Variants in LHFPL6 observed in about 807,000 individuals in gnomAD.
The protein encoded by LHFPL6 is LHFPL tetraspan subfamily member 6.
LHFPL6 carries 9 observed loss-of-function variants against 20.6 expected under a neutral mutation model. The observed-to-expected ratio is 0.44, with a 90% confidence interval of 0.26 to 0.76. The LOEUF is 0.76. LHFPL6 is among the 30% of genes least tolerant of loss of function. The pLI, the probability that LHFPL6 is intolerant of heterozygous loss-of-function variation, is 0.20. For synonymous variants in LHFPL6, 105 were observed against 98.7 expected, an observed-to-expected ratio of 1.06 and a Z score of -0.38; for missense variants, 218 against 253.5, an observed-to-expected ratio of 0.86 and a Z score of 0.95.
chr13:39,575,504 T>C (rs1243610450), intron 2 of LHFPL6, among the ~76,000 whole-genome samples: 7 of 152,236 alleles, frequency 4.6e-5, no homozygotes, highest in Admixed American at 4.6e-4. Flanking sequence ...CTTGCTAATT[T>C]ACTATGACAT....
At chr13:39,441,315 GC>G (rs1460907743) in intron 2 of LHFPL6, among the ~76,000 whole-genome samples, 1 of 151,442 alleles carries the variant, frequency 6.6e-6, no homozygotes, top group Non-Finnish European at 1.5e-5. Context: ...TGTTTATTAG[GC>G]TATTAGTTGA....
intron 2 of LHFPL6, among the ~76,000 whole-genome samples, chr13:39,569,189 GGATT>G (rs199940104): frequency 0.057 from 4,324 of 75,818 alleles, 74 homozygotes; most frequent in African/African-American, 0.12. Flanking sequence ...ATGGATGGAT[GGATT>G]GATGGACAGA....
At chr13:39,526,650 A>G (rs1276474249) in intron 2 of LHFPL6, among the ~76,000 whole-genome samples, 1 of 152,188 alleles carries the variant, frequency 6.6e-6, no homozygotes, top group African/African-American at 2.4e-5. Context: ...CTGATTCCAC[A>G]CGACAAGGTT....
chr13:39,597,684 A>G (rs1469247405), intron 2 of LHFPL6, among the ~76,000 whole-genome samples: 2 of 152,216 alleles, frequency 1.3e-5, no homozygotes, highest in African/African-American at 4.8e-5. Context: ...TGGCAATTAA[A>G]GTTTCTGTAC....
chr13:39,361,510 G>T (rs1283915946), intron 3 of LHFPL6, among the ~76,000 whole-genome samples: 1 of 152,034 alleles, frequency 6.6e-6, no homozygotes, highest in Non-Finnish European at 1.5e-5. Context: ...TAGAGATGGG[G>T]TTTCACCATG....
intron 2 of LHFPL6, among the ~76,000 whole-genome samples, chr13:39,568,772 G>A (rs1480595330): frequency 6.6e-6 from 1 of 152,092 alleles, no homozygotes; most frequent in African/African-American, 2.4e-5. Context: ...TCCAGTTTAG[G>A]TGGAGGCCAG....
chr13:39,594,960 C>T (rs1435809660), intron 2 of LHFPL6, among the ~76,000 whole-genome samples: 2 of 151,858 alleles, frequency 1.3e-5, no homozygotes, highest in African/African-American at 4.8e-5. Context: ...CATACCGGGG[C>T]CTATTGTGGG....
intron 1 of LHFPL6, among the ~76,000 whole-genome samples, chr13:39,601,777 A>G (rs1042282436): frequency 1.3e-5 from 2 of 152,218 alleles, no homozygotes; most frequent in Admixed American, 6.5e-5. Context: ...TTTGGCTTGC[A>G]AGTTCATGCT....
At chr13:39,394,326 A>G (rs1021088605) in intron 2 of LHFPL6, among the ~76,000 whole-genome samples, 1 of 152,206 alleles carries the variant, frequency 6.6e-6, no homozygotes, top group African/African-American at 2.4e-5. Context: ...CACTTCTTCA[A>G]GGCCTATTTA....
intron 2 of LHFPL6, among the ~76,000 whole-genome samples, chr13:39,473,044 G>GCAAA (rs1203901762): frequency 6.6e-6 from 1 of 152,142 alleles, no homozygotes; most frequent in Non-Finnish European, 1.5e-5. Flanking sequence ...GGCAGCTGAA[G>GCAAA]CAAAGGTGGG....
intron 3 of LHFPL6, among the ~76,000 whole-genome samples, chr13:39,345,615 T>C (rs919145007): frequency 1.3e-5 from 2 of 150,968 alleles, no homozygotes; most frequent in Admixed American, 6.6e-5. Context: ...AGAGTGACAC[T>C]GAAGTGAAAC....
At chr13:39,346,763 C>T (rs1238046520) in intron 3 of LHFPL6, among the ~76,000 whole-genome samples, 1 of 152,156 alleles carries the variant, frequency 6.6e-6, no homozygotes, top group African/African-American at 2.4e-5. Context: ...ACTTAAAACC[C>T]TGTAATGACC....
At chr13:39,353,736 A>T (rs1869654211) in intron 3 of LHFPL6, among the ~76,000 whole-genome samples, 1 of 151,468 alleles carries the variant, frequency 6.6e-6, no homozygotes. Context: ...AAACAAAAAA[A>T]CTCCTGTTTC....
chr13:39,570,538 A>C (rs147166575), intron 2 of LHFPL6, among the ~76,000 whole-genome samples: 32 of 150,952 alleles, frequency 2.1e-4, no homozygotes, highest in African/African-American at 7.5e-4. Flanking sequence ...TATATAATAG[A>C]ATAATAATAT....
intron 2 of LHFPL6, among the ~76,000 whole-genome samples, chr13:39,457,309 G>A (rs936595546): frequency 1.3e-5 from 2 of 152,128 alleles, no homozygotes. Context: ...ATCTAAAAAT[G>A]AGCAAAAGAT....
At chr13:39,471,549 C>G (rs1175525543) in intron 2 of LHFPL6, among the ~76,000 whole-genome samples, 5 of 152,166 alleles carry the variant, frequency 3.3e-5, no homozygotes, top group Non-Finnish European at 7.3e-5. Flanking sequence ...GGTCCCAATC[C>G]CTCAAGGAAT....
At chr13:39,503,579 A>G (rs1400162632) in intron 2 of LHFPL6, among the ~76,000 whole-genome samples, 2 of 152,196 alleles carry the variant, frequency 1.3e-5, no homozygotes, top group Admixed American at 1.3e-4. Flanking sequence ...CATGAGGCCA[A>G]GGATTTTTGT....
intron 2 of LHFPL6, among the ~76,000 whole-genome samples, chr13:39,597,178 G>A (rs1375426630): frequency 2.0e-5 from 3 of 152,116 alleles, no homozygotes; most frequent in South Asian, 2.1e-4. Flanking sequence ...TATGACTAAC[G>A]ATCAAACTAA....
chr13:39,460,079 A>C (rs1222114688), intron 2 of LHFPL6, among the ~76,000 whole-genome samples: 1 of 151,942 alleles, frequency 6.6e-6, no homozygotes, highest in Non-Finnish European at 1.5e-5. Flanking sequence ...TAATGCCTTG[A>C]ATATCTATAG....
Sources: gnomAD v4.1 joint callset for allele counts (sites outside exome capture counted in the v4.1 genomes callset) on GRCh38, gnomAD v4.1.1 for gene constraint, MANE v1.5 for transcripts, NCBI Gene and HGNC (gene_info 2026-07-23, HGNC 2026-07-21) for gene names.